Variants in TBC1D5 observed in about 807,000 individuals in gnomAD.
TBC1D5 encodes the protein TBC1 domain family member 5.
TBC1D5 carries 75 observed loss-of-function variants against 100.3 expected under a neutral mutation model. The observed-to-expected ratio is 0.75, with a 90% CI of 0.62 to 0.91. The LOEUF is 0.91. TBC1D5 is among the 40% of genes least tolerant of loss of function. The probability of loss-of-function intolerance (pLI) is 0.00; values close to 1 mark genes in which losing one functional copy is unlikely to be tolerated. For synonymous variants in TBC1D5, 323 were observed against 325.6 expected (o/e 0.99, Z 0.09); for missense variants, 910 against 942.4 (o/e 0.97, Z 0.45).
intron 2 of TBC1D5, among the ~76,000 whole-genome samples, chr3:17,607,553 A>C (rs1333094200): frequency 6.6e-6 from 1 of 152,098 alleles, no homozygotes; most frequent in Non-Finnish European, 1.5e-5. Context: ...TAAAGAAAAA[A>C]AAAAAAAAGC....
intron 15 of TBC1D5, among the ~76,000 whole-genome samples, chr3:17,281,336 TAAGTA>T (rs2149904262): frequency 6.6e-6 from 1 of 152,206 alleles, no homozygotes; most frequent in African/African-American, 2.4e-5. Flanking sequence ...AAAAAACAAC[TAAGTA>T]AATAAAGATC....
At chr3:17,222,258 T>C (rs2074370301) in intron 17 of TBC1D5, among the ~76,000 whole-genome samples, 1 of 152,204 alleles carries the variant, frequency 6.6e-6, no homozygotes, top group Admixed American at 6.5e-5. Context: ...TGGCCTTTTA[T>C]CTCTGTCTTT....
At chr3:17,545,249 A>T (rs1048344457) in intron 2 of TBC1D5, among the ~76,000 whole-genome samples, 2 of 152,226 alleles carry the variant, frequency 1.3e-5, no homozygotes, top group Admixed American at 1.3e-4. Flanking sequence ...ATAATCCAAT[A>T]CAACTTATTC....
chr3:17,454,772 G>C (rs2095018089), intron 3 of TBC1D5, among the ~76,000 whole-genome samples: 1 of 151,968 alleles, frequency 6.6e-6, no homozygotes, highest in Admixed American at 6.6e-5. Flanking sequence ...AAAATCAGTA[G>C]CATTTCTATA....
chr3:17,367,324 C>T (rs182244414), intron 13 of TBC1D5, among the ~76,000 whole-genome samples: 12 of 152,150 alleles, frequency 7.9e-5, no homozygotes, highest in African/African-American at 1.4e-4. Context: ...AGAATTGTAA[C>T]GCAAATATTT....
intron 1 of TBC1D5, among the ~76,000 whole-genome samples, chr3:17,734,922 C>T (rs1374900477): frequency 3.9e-5 from 4 of 102,294 alleles, no homozygotes; most frequent in Admixed American, 2.2e-4. Context: ...ATGGTCTCTA[C>T]GACAAAAAAA....
chr3:17,295,786 C>T (rs1462083470), intron 14 of TBC1D5, among the ~76,000 whole-genome samples: 3 of 152,152 alleles, frequency 2.0e-5, no homozygotes, highest in Non-Finnish European at 4.4e-5. Context: ...TAATTTCTTG[C>T]CCGACTCCCC....
At chr3:17,532,878 C>T (rs952562218) in intron 2 of TBC1D5, among the ~76,000 whole-genome samples, 5 of 151,514 alleles carry the variant, frequency 3.3e-5, no homozygotes, top group South Asian at 2.1e-4. Context: ...GGAGATATAG[C>T]GAATACTAAA....
At chr3:17,485,495 C>T (rs1257894164) in intron 3 of TBC1D5, among the ~76,000 whole-genome samples, 1 of 129,702 alleles carries the variant, frequency 7.7e-6, no homozygotes, top group Non-Finnish European at 1.6e-5. Flanking sequence ...TCCCCCCTCC[C>T]CCCACCCCAC....
intron 13 of TBC1D5, among the ~76,000 whole-genome samples, chr3:17,344,443 C>T (rs981817761): frequency 2.4e-4 from 37 of 151,662 alleles, no homozygotes; most frequent in Non-Finnish European, 3.5e-4. Context: ...AAGAACATTC[C>T]ATGCTCATGG....
chr3:17,349,543 G>A (rs553663919), intron 13 of TBC1D5, among the ~76,000 whole-genome samples: 4 of 152,210 alleles, frequency 2.6e-5, no homozygotes, highest in Admixed American at 6.5e-5. Context: ...TACCTAGTAC[G>A]AAATACAAGT....
intron 15 of TBC1D5, among the ~76,000 whole-genome samples, chr3:17,260,346 T>G (rs1204684623): frequency 6.6e-6 from 1 of 152,196 alleles, no homozygotes; most frequent in Non-Finnish European, 1.5e-5. Context: ...GAGCAATTAC[T>G]TGAAACATCT....
chr3:17,329,880 CAT>C (rs1404297754), intron 13 of TBC1D5, among the ~76,000 whole-genome samples: 1 of 152,190 alleles, frequency 6.6e-6, no homozygotes, highest in African/African-American at 2.4e-5. Flanking sequence ...TTTGATAAAA[CAT>C]AGCATTAATT....
intron 18 of TBC1D5, among the ~76,000 whole-genome samples, chr3:17,199,110 T>C (rs2071114858): frequency 6.6e-6 from 1 of 152,194 alleles, no homozygotes; most frequent in South Asian, 2.1e-4. Flanking sequence ...TAAATCACAA[T>C]TTCTGGCAAA....
intron 3 of TBC1D5, among the ~76,000 whole-genome samples, chr3:17,489,799 A>G (rs933416056): frequency 3.3e-5 from 5 of 152,190 alleles, no homozygotes; most frequent in African/African-American, 1.2e-4. Context: ...GCTATTGTGA[A>G]TAGTGCTGCA....
intron 21 of TBC1D5, among the ~76,000 whole-genome samples, chr3:17,164,882 C>T (rs1165594047): frequency 6.6e-6 from 1 of 152,244 alleles, no homozygotes. Flanking sequence ...GAGGAAAGCA[C>T]TGCTTCTCTG....
intron 2 of TBC1D5, among the ~76,000 whole-genome samples, chr3:17,569,469 G>T (rs946267736): frequency 1.3e-5 from 2 of 151,688 alleles, no homozygotes; most frequent in African/African-American, 2.4e-5. Flanking sequence ...TTATATAAAT[G>T]ATTATAATAG....
At chr3:17,667,615 C>G (rs1167133820) in intron 1 of TBC1D5, among the ~76,000 whole-genome samples, 2 of 151,868 alleles carry the variant, frequency 1.3e-5, no homozygotes, top group African/African-American at 2.4e-5. Flanking sequence ...CCGCACCTGG[C>G]TAATTTTTGT....
chr3:17,666,587 TG>T (rs1476265234), intron 1 of TBC1D5, among the ~76,000 whole-genome samples: 4 of 152,178 alleles, frequency 2.6e-5, no homozygotes, highest in Non-Finnish European at 5.9e-5. Flanking sequence ...AAGTTAGACT[TG>T]AAAAGTCTGA....
Sources: allele counts gnomAD v4.1 joint callset (sites outside exome capture counted in the v4.1 genomes callset), GRCh38; gene constraint gnomAD v4.1.1; transcripts MANE v1.5; gene names NCBI Gene and HGNC (gene_info 2026-07-23, HGNC 2026-07-21).